Variants in REPS2 observed in about 807,000 individuals in gnomAD.
REPS2 encodes the protein RALBP1 associated Eps domain containing 2.
REPS2 carries 23 observed loss-of-function variants against 53.6 expected under a neutral mutation model. That is an observed-to-expected ratio of 0.43 (90% CI 0.31 to 0.61). REPS2 has a LOEUF of 0.61. REPS2 is among the 20% of genes least tolerant of loss of function. The pLI is 0.11. For missense variants in REPS2, 446 were observed against 534.9 expected (o/e 0.83, Z 1.64); for synonymous variants, 238 against 218.6 (o/e 1.09, Z -0.78).
intron 1 of REPS2, among the ~76,000 whole-genome samples, chrX:16,969,172 G>C: frequency 9.1e-6 from 1 of 110,222 alleles, no homozygotes; most frequent in South Asian, 4.0e-4. Flanking sequence ...TGGGATGGCG[G>C]CCGGGAAGAG....
chrX:17,032,880 G>A (rs889609044), intron 5 of REPS2, among the ~76,000 whole-genome samples: 3 of 111,931 alleles, frequency 2.7e-5, no homozygotes, highest in Non-Finnish European at 5.6e-5. Context: ...ACTTTTGTTC[G>A]GGTGTTGGAT....
chrX:17,111,012 T>TCAA (rs1002982930), intron 14 of REPS2, among the ~76,000 whole-genome samples: 4 of 111,917 alleles, frequency 3.6e-5, no homozygotes, highest in Non-Finnish European at 5.6e-5. Flanking sequence ...AGACTCTGTC[T>TCAA]CAACAACAAC....
intron 11 of REPS2, among the ~76,000 whole-genome samples, chrX:17,072,539 CA>C (rs1268361505): frequency 8.9e-6 from 1 of 112,272 alleles, no homozygotes; most frequent in African/African-American, 3.2e-5. Context: ...TCCCTACCAG[CA>C]AAAAGACAAA....
At chrX:17,014,758 C>T (rs2061468230) in intron 2 of REPS2, among the ~76,000 whole-genome samples, 1 of 112,325 alleles carries the variant, frequency 8.9e-6, no homozygotes, top group Non-Finnish European at 1.9e-5. Flanking sequence ...TTAGCTCTGC[C>T]ACTGTATTGC....
At chrX:16,952,604 G>T (rs2147602575) in intron 1 of REPS2, among the ~76,000 whole-genome samples, 1 of 111,941 alleles carries the variant, frequency 8.9e-6, no homozygotes, top group Admixed American at 9.5e-5. Context: ...CTCACCTTTG[G>T]GGAGAAGTCT....
chrX:17,017,976 A>G (rs1263007128), intron 2 of REPS2, among the ~76,000 whole-genome samples: 5 of 112,218 alleles, frequency 4.5e-5, no homozygotes, highest in Non-Finnish European at 9.4e-5. Flanking sequence ...AAATTAGATT[A>G]TTAAAATTTT....
rs768581340 is a variant in REPS2 at position 17,148,766 on chromosome X, G to A, written c.*1285G>A. 1.3e-5 allele frequency: 3 copies of A among 239,780 alleles called. No homozygotes were observed. The highest frequency in any genetic ancestry group is 5.3e-5 in the Admixed American group (1 of 19,004). The allele number at this position is 239,780 out of a possible 1,213,427, so 19.8% of individuals were successfully genotyped here. A position where few individuals can be genotyped will look rare whatever the true frequency, so the allele number is the denominator to read the frequency against. On this transcript the variant is annotated 3_prime_UTR_variant, in exon 18 of 18. Coordinates refer to ENST00000357277, the MANE Select transcript of REPS2 (RefSeq NM_004726.3). ...GCACAGGGCTACTGACCCTCACAGG[G>A]CATGCCAGCGTTAACACCACTTTGA...
chrX:17,187,748 T>C, the REPS2 span, among the ~76,000 whole-genome samples: 3 of 112,109 alleles, frequency 2.7e-5, no homozygotes. Context: ...CAGCAGGGCT[T>C]CCAGCCTTCA....
the REPS2 span, among the ~76,000 whole-genome samples, chrX:17,160,750 G>T: frequency 8.9e-6 from 1 of 112,388 alleles, no homozygotes; most frequent in Non-Finnish European, 1.9e-5. Context: ...AAAGTTGAGA[G>T]CCAACAGAGG....
chrX:16,975,899 A>G (rs2060949420), intron 1 of REPS2, among the ~76,000 whole-genome samples: 1 of 112,327 alleles, frequency 8.9e-6, no homozygotes, highest in Admixed American at 9.4e-5. Flanking sequence ...TCACGCAGGC[A>G]TTTATTTCTT....
At chrX:17,158,469 A>G in the REPS2 span, among the ~76,000 whole-genome samples, 2 of 112,103 alleles carry the variant, frequency 1.8e-5, no homozygotes, top group South Asian at 7.4e-4. Flanking sequence ...AATATGTATC[A>G]TAGATCTGAA....
At chrX:17,161,226 C>T in the REPS2 span, among the ~76,000 whole-genome samples, 1 of 111,653 alleles carries the variant, frequency 9.0e-6, no homozygotes, top group Non-Finnish European at 1.9e-5. Flanking sequence ...TCTCCACCCT[C>T]TGATGCTACT....
intron 13 of REPS2, among the ~76,000 whole-genome samples, chrX:17,093,589 T>A (rs1248843219): frequency 1.8e-5 from 2 of 110,624 alleles, no homozygotes; most frequent in Non-Finnish European, 3.8e-5. Context: ...ATTATTTTGG[T>A]ATTTCCTTCG....
chrX:17,057,384 G>A (rs1310048835), intron 8 of REPS2, among the ~76,000 whole-genome samples: 1 of 112,671 alleles, frequency 8.9e-6, no homozygotes, highest in Non-Finnish European at 1.9e-5. Flanking sequence ...CCAAAGGGCA[G>A]AGGCCAAGTT....
chrX:16,968,782 C>T (rs1357426636), intron 1 of REPS2, among the ~76,000 whole-genome samples: 12 of 103,492 alleles, frequency 1.2e-4, no homozygotes, highest in South Asian at 4.5e-4. Context: ...CGGGCAGAGG[C>T]GCCCCTCACC....
At chrX:17,012,413 C>G (rs1391806842) in intron 2 of REPS2, among the ~76,000 whole-genome samples, 1 of 108,798 alleles carries the variant, frequency 9.2e-6, no homozygotes, top group Non-Finnish European at 1.9e-5. Context: ...ACAACAACAA[C>G]AAACAAAACC....
chrX:17,036,279 T>A (rs1314411323), intron 5 of REPS2, among the ~76,000 whole-genome samples: 8 of 112,862 alleles, frequency 7.1e-5, no homozygotes, highest in Non-Finnish European at 1.1e-4. Flanking sequence ...TTTGCCAATC[T>A]GATAGGTGAA....
chrX:17,140,992 G>A (rs1046011518), intron 17 of REPS2, among the ~76,000 whole-genome samples: 1 of 110,979 alleles, frequency 9.0e-6, no homozygotes, highest in East Asian at 2.8e-4. Context: ...GGTTGGTCTC[G>A]ATTTCCTGAC....
intron 12 of REPS2, among the ~76,000 whole-genome samples, chrX:17,076,029 ACCACC>A (rs1326085377): frequency 8.9e-6 from 1 of 111,851 alleles, no homozygotes; most frequent in Non-Finnish European, 1.9e-5. Flanking sequence ...TGTTACAGGG[ACCACC>A]CCAGAACACG....
Sources: allele counts gnomAD v4.1 joint callset (sites outside exome capture counted in the v4.1 genomes callset), GRCh38; gene constraint gnomAD v4.1.1; transcripts MANE v1.5; gene names NCBI Gene and HGNC (gene_info 2026-07-23, HGNC 2026-07-21).